MCCC1: variants seen among roughly 807,000 people sequenced by gnomAD.
The protein encoded by MCCC1 is methylcrotonyl-CoA carboxylase subunit 1, also known as methylcrotonoyl-CoA carboxylase subunit alpha, mitochondrial.
Under a neutral mutation model 83.8 loss-of-function variants are expected in MCCC1, and 64 were observed. That is an observed-to-expected ratio of 0.76 (90% confidence interval 0.62 to 0.94). The LOEUF is 0.94. MCCC1 is among the 40% of genes least tolerant of loss of function. MCCC1 has a pLI of 0.00. For missense variants in MCCC1, 807 were observed against 904.7 expected, an observed-to-expected ratio of 0.89 and a Z score of 1.39; for synonymous variants, 322 against 315.4, an observed-to-expected ratio of 1.02 and a Z score of -0.22.
chr3:183,072,563 C>G, intron 4 of MCCC1, 76 bp from the exon 5 acceptor site: 1 of 1,571,370 alleles, frequency 6.4e-7, no homozygotes, highest in Non-Finnish European at 8.7e-7. Flanking sequence ...GTGAAGCTGT[C>G]TTCCTCTGGG....
upstream of MCCC1, chr3:183,099,713 C>G (rs1279758242): frequency 1.1e-5 from 6 of 563,446 alleles, no homozygotes; most frequent in Non-Finnish European, 1.9e-5. Flanking sequence ...CCTGCTCTGA[C>G]TAAGGCAAGG....
chr3:183,084,878 GA>G (rs1717777086), intron 4 of MCCC1, among the ~76,000 whole-genome samples: 1 of 152,172 alleles, frequency 6.6e-6, no homozygotes, highest in East Asian at 1.9e-4. Flanking sequence ...GATGATAAGT[GA>G]ACCCCTGTCT....
chr3:183,059,633 T>C (rs1715679831), intron 7 of MCCC1, among the ~76,000 whole-genome samples: 1 of 152,218 alleles, frequency 6.6e-6, no homozygotes, highest in African/African-American at 2.4e-5. Context: ...GTTTCTGACC[T>C]AAAACATTTT....
intron 5 of MCCC1, 144 bp downstream of exon 5, chr3:183,072,222 G>T: frequency 1.1e-6 from 1 of 940,540 alleles, no homozygotes; most frequent in Non-Finnish European, 1.6e-6. Flanking sequence ...AAGTTGCCCA[G>T]GCTGGTCTTG....
intron 4 of MCCC1, among the ~76,000 whole-genome samples, chr3:183,074,158 C>G (rs1284686945): frequency 6.6e-6 from 1 of 152,174 alleles, no homozygotes; most frequent in African/African-American, 2.4e-5. Flanking sequence ...CCACTCAAAG[C>G]AAAACCGTGG....
rs898032814 is a variant in MCCC1 at position 183,022,277 on chromosome 3, T to C, written c.1869+140A>G. 48 of 1,004,224 alleles carry C rather than the reference T, an allele frequency of 4.8e-5. 2 individuals carry two copies. In the South Asian group the frequency reaches 6.3e-4, roughly 13 times the overall value. 62.2% of individuals were successfully genotyped at this position (1,004,224 alleles called of 1,614,324 possible). On this transcript the variant is annotated intron_variant, in intron 16 of 18. Transcript: ENST00000265594. ...AGGAATTTGGCAAAGAAACACAGAA[T>C]GGTGGGGGAAACTGAGGGAAAAAGG...
chr3:183,033,102 A>T (rs1713221418), intron 14 of MCCC1, among the ~76,000 whole-genome samples: 1 of 152,132 alleles, frequency 6.6e-6, no homozygotes, highest in African/African-American at 2.4e-5. Context: ...CCTCCCACAC[A>T]AACTGTCTCA....
At chr3:183,109,495 G>A (rs1719461256) in intron 1 of MCCC1, among the ~76,000 whole-genome samples, 1 of 152,204 alleles carries the variant, frequency 6.6e-6, no homozygotes. Context: ...TTGTAAGTGA[G>A]AACATGTGGT....
intron 9 of MCCC1, among the ~76,000 whole-genome samples, chr3:183,045,969 G>C (rs893219341): frequency 7.9e-5 from 12 of 152,046 alleles, no homozygotes; most frequent in African/African-American, 2.9e-4. Context: ...CCCTTTTGCT[G>C]GTAACCCATT....
intron 4 of MCCC1, among the ~76,000 whole-genome samples, chr3:183,078,298 G>C (rs77775631): frequency 0.056 from 8,597 of 152,288 alleles, 355 homozygotes; most frequent in East Asian, 0.11. Flanking sequence ...GGGGATTACA[G>C]GTGTGAGCCA....
intron 8 of MCCC1, among the ~76,000 whole-genome samples, chr3:183,054,496 T>C (rs1231067854): frequency 1.3e-5 from 2 of 152,106 alleles, no homozygotes; most frequent in Non-Finnish European, 2.9e-5. Flanking sequence ...CTAGAAAAAA[T>C]ATTTTTGTAT....
chr3:183,045,505 A>C lies in MCCC1; in HGVS notation c.991T>G (p.Phe331Val). ...VEFIMDSKHN[F>V]CFMEMNTRLQ... is the part of the protein sequence containing the mutation. ...CTTGTATTCATCTCCATGAAACAGA[A>C]ATTATGTTTTGAGTCCATAATAAAC... Residue 331 changes from phenylalanine (F) to valine (V), a missense_variant, in exon 10 of 19, where the codon TTC becomes GTC. Coordinates refer to ENST00000265594, the MANE Select transcript of MCCC1 (RefSeq NM_020166.5). 1 of 1,614,104 alleles carries C rather than the reference A, an allele frequency of 6.2e-7. No homozygotes were observed. Among genetic ancestry groups the C allele is most frequent in the Non-Finnish European group, 8.5e-7 (1 of 1,179,932 alleles).
chr3:183,074,338 C>T (rs1032753493), intron 4 of MCCC1, among the ~76,000 whole-genome samples: 10 of 152,196 alleles, frequency 6.6e-5, no homozygotes, highest in African/African-American at 1.7e-4. Flanking sequence ...AAAGTAAACA[C>T]GCTGACAGCA....
chr3:183,070,403 C>T lies in MCCC1; in HGVS notation c.761+596G>A, dbSNP rs558374644. On this transcript the variant is annotated intron_variant, in intron 7 of 18. Transcript: ENST00000265594. ...AATGAGGCTGATCTACAATTACTGA[C>T]ATGGAAAGATGTCTGTGATATAATA... 1.8e-4 allele frequency among the ~76,000 whole-genome samples: 27 copies of T among 152,312 alleles called. No individual in the cohort carries two copies. The South Asian group carries it at 5.2e-3, about 29-fold the overall frequency.
chr3:183,110,864 C>G (rs894052086), intron 1 of MCCC1, among the ~76,000 whole-genome samples: 1 of 152,088 alleles, frequency 6.6e-6, no homozygotes, highest in Non-Finnish European at 1.5e-5. Context: ...TATGGCTAGC[C>G]GGTTATCACA....
rs756058707 is a variant in MCCC1, at chr3:183,037,206, A to G, written c.1594+12T>C. On this transcript the variant is annotated intron_variant, in intron 13 of 18. Transcript: ENST00000265594. ...ACTTGACAAGCAGAGGAAAGAGAAA[A>G]GCCTTCCATACCATGTGCCTGAAGA... 3 of 1,612,486 alleles carry G rather than the reference A, an allele frequency of 1.9e-6. No homozygotes were observed. Among genetic ancestry groups the G allele is most frequent in the Non-Finnish European group, 2.5e-6 (3 of 1,179,690 alleles).
intron 1 of MCCC1, among the ~76,000 whole-genome samples, chr3:183,096,167 C>A (rs1466715808): frequency 1.3e-5 from 2 of 152,048 alleles, no homozygotes; most frequent in African/African-American, 4.8e-5. Context: ...GAAACCCCAT[C>A]TCTACTAACA....
intron 12 of MCCC1, 35 bp from the exon 13 acceptor site, chr3:183,037,469 T>C (rs774570851): frequency 2.0e-6 from 3 of 1,523,004 alleles, no homozygotes; most frequent in Non-Finnish European, 2.7e-6. Flanking sequence ...TCCTGCTGAG[T>C]GGGGAAAACA....
intron 1 of MCCC1, among the ~76,000 whole-genome samples, chr3:183,114,399 C>T (rs1457943206): frequency 2.0e-5 from 3 of 152,022 alleles, no homozygotes; most frequent in Admixed American, 6.6e-5. Flanking sequence ...TAATAAAGGA[C>T]TTTTAATTCA....
Sources: gnomAD v4.1 joint callset for allele counts (sites outside exome capture counted in the v4.1 genomes callset) on GRCh38, gnomAD v4.1.1 for gene constraint, MANE v1.5 for transcripts, NCBI Gene and HGNC (gene_info 2026-07-23, HGNC 2026-07-21) for gene names.